The following FGF14 variants were observed in gnomAD, a reference collection of about 807,000 sequenced individuals.
The protein encoded by FGF14 is fibroblast growth factor 14, also known as fibroblast growth factor homologous factor 4.
FGF14 carries 5 observed loss-of-function variants against 25.5 expected under a neutral mutation model. The observed-to-expected ratio is 0.20, with a 90% CI of 0.10 to 0.41. The LOEUF (loss-of-function observed/expected upper bound fraction) is 0.41. Ranked by LOEUF, FGF14 falls within the 10% of genes least tolerant of loss-of-function variation. The probability of loss-of-function intolerance (pLI) is 1.00; values close to 1 mark genes in which losing one functional copy is unlikely to be tolerated. For synonymous variants in FGF14, 138 were observed against 118.3 expected (o/e 1.17, Z -1.08); for missense variants, 222 against 320.1 (o/e 0.69, Z 2.34).
intron 1 of FGF14, among the ~76,000 whole-genome samples, chr13:102,345,945 T>C (rs1046564101): frequency 7.9e-5 from 12 of 152,204 alleles, no homozygotes; most frequent in Non-Finnish European, 1.5e-4. Context: ...TTCATATCCC[T>C]AGGACAACAA....
rs1391986881 is a variant in FGF14 at position 101,765,702 on chromosome 13, ATTATT to A, written c.409-38897_409-38893del. 2.0e-5 allele frequency among the ~76,000 whole-genome samples: 3 copies of A among 149,866 alleles called. No homozygotes were observed. The East Asian group carries it at 5.9e-4, about 29-fold the overall frequency. ...CTGTGCATATAGAAGCCTTTTATTTATTATTATTATTATTATTTTATTTATTTATT... is the reference window on the plus strand; with the variant it reads ...CTGTGCATATAGAAGCCTTTTATTTAATTATTATTATTTTATTTATTTATT... On this transcript the variant is annotated intron_variant, in intron 3 of 4. Transcript: ENST00000376143.
At chr13:102,186,619 G>T (rs757828666) in intron 1 of FGF14, among the ~76,000 whole-genome samples, 3 of 152,080 alleles carry the variant, frequency 2.0e-5, no homozygotes, top group Non-Finnish European at 4.4e-5. Flanking sequence ...AGTTTGACAT[G>T]TCTATACATA....
chr13:102,333,031 G>A (rs978270927), intron 1 of FGF14, among the ~76,000 whole-genome samples: 1 of 151,962 alleles, frequency 6.6e-6, no homozygotes, highest in Admixed American at 6.6e-5. Context: ...TTCTATATGC[G>A]GTATTTCTAG....
intron 3 of FGF14, among the ~76,000 whole-genome samples, chr13:101,800,300 G>T (rs1159685435): frequency 4.6e-5 from 7 of 151,996 alleles, no homozygotes; most frequent in Non-Finnish European, 5.9e-5. Flanking sequence ...CCTTACAAAT[G>T]ATACGGAAAT....
chr13:102,253,864 T>C (rs544333277), intron 1 of FGF14, among the ~76,000 whole-genome samples: 9 of 152,208 alleles, frequency 5.9e-5, no homozygotes, highest in Admixed American at 2.0e-4. Flanking sequence ...TATATAAGCC[T>C]CTTAATTAAG....
intron 3 of FGF14, among the ~76,000 whole-genome samples, chr13:101,819,486 T>C (rs1473501200): frequency 6.6e-6 from 1 of 152,216 alleles, no homozygotes; most frequent in Non-Finnish European, 1.5e-5. Flanking sequence ...AGGGGATAGC[T>C]ATCTTCCATT....
intron 3 of FGF14, among the ~76,000 whole-genome samples, chr13:101,846,182 G>T (rs76758038): frequency 0.011 from 1,606 of 151,956 alleles, 10 homozygotes; most frequent in Middle Eastern, 0.048. Context: ...GAAATGAACG[G>T]AGTTAAACAT....
At chr13:102,038,986 G>A (rs1474073293) in intron 1 of FGF14, among the ~76,000 whole-genome samples, 2 of 152,062 alleles carry the variant, frequency 1.3e-5, no homozygotes, top group Admixed American at 6.5e-5. Flanking sequence ...GTAGTGACAT[G>A]GATTAGCTCA....
chr13:102,097,028 A>G (rs1361400744), intron 1 of FGF14, among the ~76,000 whole-genome samples: 1 of 89,060 alleles, frequency 1.1e-5, no homozygotes, highest in Non-Finnish European at 3.0e-5. Flanking sequence ...TGACTGGAGG[A>G]CTTTTTTTTT....
chr13:102,038,431 A>G (rs951083334), intron 1 of FGF14, among the ~76,000 whole-genome samples: 8 of 152,078 alleles, frequency 5.3e-5, no homozygotes, highest in African/African-American at 1.9e-4. Context: ...CAACATGAAA[A>G]ACATTTTCCA....
intron 1 of FGF14, among the ~76,000 whole-genome samples, chr13:101,975,015 C>A (rs2476238): frequency 0.48 from 72,218 of 151,708 alleles, 19,200 homozygotes; most frequent in East Asian, 0.71. Context: ...GGGTGGGAAG[C>A]GTAAAATAAT....
rs991097869 is a variant in FGF14, at chr13:101,712,912, G to C, written c.*9919C>G. On this transcript the variant is annotated 3_prime_UTR_variant, in exon 5 of 5. Coordinates refer to ENST00000376143, the MANE Select transcript of FGF14 (RefSeq NM_004115.4). ...CTGACCTGGGAGCAGCAGCTCACTGGGTCCTGAGAAACCACAGGGCTGTCA... is the reference window on the plus strand; with the variant it reads ...CTGACCTGGGAGCAGCAGCTCACTGCGTCCTGAGAAACCACAGGGCTGTCA... 1 of 152,114 alleles carries C rather than the reference G, an allele frequency of 6.6e-6. No individual in the cohort carries two copies. The highest frequency in any genetic ancestry group is 2.4e-5 in the African/African-American group (1 of 41,398). 9.4% of individuals were successfully genotyped at this position (152,114 alleles called of 1,614,324 possible).
chr13:102,176,892 AG>A (rs5806281), intron 1 of FGF14, among the ~76,000 whole-genome samples: 83,790 of 151,878 alleles, frequency 0.55, 25,100 homozygotes, highest in East Asian at 0.92. Flanking sequence ...ACTTTAATCA[AG>A]TTGTTTAAAA....
chr13:102,250,062 T>C (rs1177459248), intron 1 of FGF14, among the ~76,000 whole-genome samples: 2 of 151,860 alleles, frequency 1.3e-5, no homozygotes, highest in African/African-American at 2.4e-5. Flanking sequence ...AAAAGACACA[T>C]GTGTTCCCTA....
At chr13:102,250,650 T>C (rs1229993716) in intron 1 of FGF14, among the ~76,000 whole-genome samples, 1 of 152,218 alleles carries the variant, frequency 6.6e-6, no homozygotes, top group East Asian at 1.9e-4. Context: ...AAGAAGCCTG[T>C]TCACTTTGTT....
At chr13:101,830,841 T>C (rs2042636036) in intron 3 of FGF14, among the ~76,000 whole-genome samples, 1 of 152,068 alleles carries the variant, frequency 6.6e-6, no homozygotes, top group African/African-American at 2.4e-5. Flanking sequence ...ATCTACCTTT[T>C]CACCTTTCCA....
intron 1 of FGF14, among the ~76,000 whole-genome samples, chr13:102,240,496 C>A (rs1406637391): frequency 1.3e-5 from 2 of 152,110 alleles, no homozygotes; most frequent in Admixed American, 1.3e-4. Context: ...AAATAATAGA[C>A]CAATTTTCTG....
chr13:102,316,862 T>C (rs2056048189), intron 1 of FGF14, among the ~76,000 whole-genome samples: 1 of 152,172 alleles, frequency 6.6e-6, no homozygotes, highest in Non-Finnish European at 1.5e-5. Context: ...ATTCTCAGGG[T>C]TATCATCATG....
chr13:102,387,610 C>T (rs980533318), intron 1 of FGF14, among the ~76,000 whole-genome samples: 1 of 151,996 alleles, frequency 6.6e-6, no homozygotes, highest in African/African-American at 2.4e-5. Flanking sequence ...TTCAGGGGTG[C>T]ATGTGCAGGT....
Sources: allele counts gnomAD v4.1 joint callset (sites outside exome capture counted in the v4.1 genomes callset), GRCh38; gene constraint gnomAD v4.1.1; transcripts MANE v1.5; gene names NCBI Gene and HGNC (gene_info 2026-07-23, HGNC 2026-07-21).